The following RALYL variants were observed in gnomAD, a reference collection of about 807,000 sequenced individuals.
The protein encoded by RALYL is RNA-binding Raly-like protein.
RALYL carries 29 observed loss-of-function variants against 35.1 expected under a neutral mutation model. The observed-to-expected ratio is 0.83, with a 90% confidence interval of 0.61 to 1.13. RALYL has a LOEUF of 1.13. Ranked by LOEUF, RALYL falls within the 50% of genes most tolerant of loss-of-function variation. The probability of loss-of-function intolerance (pLI) is 0.00; values close to 1 mark genes in which losing one functional copy is unlikely to be tolerated. For missense variants in RALYL, 359 were observed against 360.4 expected, an observed-to-expected ratio of 1.00 and a Z score of 0.03; for synonymous variants, 120 against 127.6, an observed-to-expected ratio of 0.94 and a Z score of 0.40.
At position 84,538,037 on chromosome 8, in the gene RALYL, A is replaced by C. The variant is rs1215901602; in HGVS notation, c.256+8460A>C. Among the ~76,000 whole-genome samples, 4 of 152,232 alleles carry C rather than the reference A, an allele frequency of 2.6e-5. No homozygotes were observed. The East Asian group carries it at 5.8e-4, about 22-fold the overall frequency. On this transcript the variant is annotated intron_variant, in intron 2 of 8. Transcript: ENST00000521268. The stretch of plus-strand genomic sequence containing the variant: ...GTTATAAAGCACAACAGACATTTAA[A>C]GTTTTCAGTAATTAAACAGAGCTAC...
intron 2 of RALYL, among the ~76,000 whole-genome samples, chr8:84,678,498 C>T (rs537190055): frequency 2.0e-5 from 3 of 152,186 alleles, no homozygotes; most frequent in South Asian, 4.1e-4. Context: ...AACTCCTGAT[C>T]TAAAATGATC....
intron 1 of RALYL, among the ~76,000 whole-genome samples, chr8:84,508,439 G>A (rs2057350522): frequency 6.6e-6 from 1 of 152,042 alleles, no homozygotes; most frequent in Non-Finnish European, 1.5e-5. Context: ...GTAAAAAACA[G>A]CACCAACAAT....
rs998229066 is a variant in RALYL, at chr8:84,914,699, G to C, written c.859-6195G>C. 2.0e-5 allele frequency among the ~76,000 whole-genome samples: 3 copies of C among 151,876 alleles called. No homozygotes were observed. The South Asian group carries it at 6.2e-4, about 32-fold the overall frequency. ...TTTACAACATAAAAGGTCTTTTTCA[G>C]AGAAATGCCAAAAGCACGTTCTTAA... On this transcript the variant is annotated intron_variant, in intron 8 of 8. Transcript: ENST00000521268.
chr8:84,511,518 C>A (rs1421774536), intron 1 of RALYL, among the ~76,000 whole-genome samples: 1 of 152,086 alleles, frequency 6.6e-6, no homozygotes, highest in Non-Finnish European at 1.5e-5. Flanking sequence ...TTTAGAATAT[C>A]CATCACCTGG....
intron 1 of RALYL, among the ~76,000 whole-genome samples, chr8:84,520,739 C>T (rs573630637): frequency 2.6e-4 from 39 of 152,250 alleles, no homozygotes; most frequent in African/African-American, 8.2e-4. Flanking sequence ...ATCTATGTTG[C>T]GTGCTCCTTA....
At chr8:84,560,909 C>T (rs2061431999) in intron 2 of RALYL, among the ~76,000 whole-genome samples, 1 of 151,964 alleles carries the variant, frequency 6.6e-6, no homozygotes. Flanking sequence ...CTGTAATTAT[C>T]AAATGGATGT....
At chr8:84,302,548 G>C (rs1841007481) in intron 1 of RALYL, among the ~76,000 whole-genome samples, 1 of 152,028 alleles carries the variant, frequency 6.6e-6, no homozygotes, top group Admixed American at 6.6e-5. Context: ...TATCCTTTTG[G>C]TAATCCTGAT....
chr8:84,681,423 C>G (rs150275748), intron 2 of RALYL, among the ~76,000 whole-genome samples: 3,250 of 151,952 alleles, frequency 0.021, 128 homozygotes, highest in African/African-American at 0.074. Flanking sequence ...GGCATTGAAT[C>G]TATAAATTAC....
At chr8:84,546,134 A>T (rs1481052148) in intron 2 of RALYL, among the ~76,000 whole-genome samples, 4 of 151,766 alleles carry the variant, frequency 2.6e-5, no homozygotes, top group Non-Finnish European at 5.9e-5. Context: ...AGAGAAAAAG[A>T]TATATATTTT....
chr8:84,197,949 A>G (rs1186063848), intron 1 of RALYL, among the ~76,000 whole-genome samples: 1 of 152,186 alleles, frequency 6.6e-6, no homozygotes, highest in African/African-American at 2.4e-5. Flanking sequence ...TCCAGTACCT[A>G]GACAGTACCT....
chr8:84,469,455 G>T (rs150879825), intron 1 of RALYL, among the ~76,000 whole-genome samples: 1 of 152,150 alleles, frequency 6.6e-6, no homozygotes, highest in Non-Finnish European at 1.5e-5. Context: ...TAGGCTGCTC[G>T]GGTGTCAGGG....
chr8:84,655,899 G>A (rs905407477), intron 2 of RALYL, among the ~76,000 whole-genome samples: 1 of 152,088 alleles, frequency 6.6e-6, no homozygotes, highest in African/African-American at 2.4e-5. Flanking sequence ...TTAAGAGTAG[G>A]ATCCCCTGAA....
intron 7 of RALYL, among the ~76,000 whole-genome samples, chr8:84,874,087 A>G (rs958664050): frequency 6.6e-6 from 1 of 152,176 alleles, no homozygotes; most frequent in African/African-American, 2.4e-5. Flanking sequence ...AGTGTGCTCT[A>G]TGAGGCTTTA....
In RALYL at chr8:84,745,497, A is replaced by T. The variant is rs1043897542; in HGVS notation, c.257-29082A>T. On this transcript the variant is annotated intron_variant, in intron 2 of 8. Transcript: ENST00000521268. Reference sequence around the variant, plus strand: ...TATGTATTAGAGAAGAAGTGATTGTATTGTGTAAGTTTGTGTCACAGCATT... The same window carrying T: ...TATGTATTAGAGAAGAAGTGATTGTTTTGTGTAAGTTTGTGTCACAGCATT... 8.1e-4 allele frequency among the ~76,000 whole-genome samples: 123 copies of T among 152,130 alleles called. 1 individual carries two copies. Among genetic ancestry groups the T allele is most frequent in the African/African-American group, 2.8e-3 (115 of 41,520 alleles).
chr8:84,426,783 T>C (rs1235113245), intron 1 of RALYL, among the ~76,000 whole-genome samples: 1 of 152,182 alleles, frequency 6.6e-6, no homozygotes, highest in Non-Finnish European at 1.5e-5. Context: ...TCAGGATGGC[T>C]ATTATCTATA....
intron 1 of RALYL, among the ~76,000 whole-genome samples, chr8:84,454,594 A>G (rs1231731292): frequency 1.3e-5 from 2 of 152,114 alleles, no homozygotes; most frequent in African/African-American, 4.8e-5. Flanking sequence ...TAGGGGCCAC[A>G]TGCACTGGCT....
intron 2 of RALYL, among the ~76,000 whole-genome samples, chr8:84,716,794 TA>T (rs1169854301): frequency 6.6e-6 from 1 of 152,164 alleles, no homozygotes; most frequent in Admixed American, 6.5e-5. Flanking sequence ...TGAATGGACA[TA>T]AAAATTTATT....
chr8:84,899,143 T>C (rs1402601372), intron 8 of RALYL, among the ~76,000 whole-genome samples: 1 of 152,170 alleles, frequency 6.6e-6, no homozygotes, highest in Non-Finnish European at 1.5e-5. Context: ...TTCTACCTTT[T>C]ATTTTGTCTG....
At chr8:84,848,366 T>G (rs1835084825) in intron 4 of RALYL, among the ~76,000 whole-genome samples, 1 of 151,628 alleles carries the variant, frequency 6.6e-6, no homozygotes, top group South Asian at 2.1e-4. Flanking sequence ...TCTATTGGAG[T>G]AATACTTTTA....
Sources: allele counts gnomAD v4.1 joint callset (sites outside exome capture counted in the v4.1 genomes callset), GRCh38; gene constraint gnomAD v4.1.1; transcripts MANE v1.5; gene names NCBI Gene and HGNC (gene_info 2026-07-23, HGNC 2026-07-21).